Variants in RARB observed in about 807,000 individuals in gnomAD.
The protein encoded by RARB is retinoic acid receptor beta.
Under a neutral mutation model 51.9 loss-of-function variants are expected in RARB, and 17 were observed. That is an observed-to-expected ratio of 0.33 (90% CI 0.22 to 0.49). RARB has a LOEUF of 0.49. Among genes scored for constraint, RARB ranks in the 20% least tolerant of loss-of-function variants. The pLI, the probability that RARB is intolerant of heterozygous loss-of-function variation, is 0.99. For missense variants in RARB, 369 were observed against 550.8 expected, an observed-to-expected ratio of 0.67 and a Z score of 3.30; for synonymous variants, 215 against 195.4, an observed-to-expected ratio of 1.10 and a Z score of -0.84.
intron 2 of RARB, among the ~76,000 whole-genome samples, chr3:25,019,009 C>T (rs1204176293): frequency 6.6e-6 from 1 of 152,144 alleles, no homozygotes; most frequent in African/African-American, 2.4e-5. Context: ...GAAATTATAG[C>T]CTGTTTAAGC....
intron 2 of RARB, among the ~76,000 whole-genome samples, chr3:24,983,609 C>A (rs1319324737): frequency 6.6e-6 from 1 of 152,200 alleles, no homozygotes; most frequent in Non-Finnish European, 1.5e-5. Context: ...GTTCAACCCC[C>A]ACTTATGAGT....
intron 5 of RARB, among the ~76,000 whole-genome samples, chr3:25,229,662 T>A (rs1702132141): frequency 6.6e-6 from 1 of 152,044 alleles, no homozygotes; most frequent in Non-Finnish European, 1.5e-5. Flanking sequence ...CACCCTTTTT[T>A]TTTTCTTTAA....
intron 1 of RARB, among the ~76,000 whole-genome samples, chr3:24,839,586 T>C (rs1476611217): frequency 1.3e-5 from 2 of 148,858 alleles, no homozygotes; most frequent in African/African-American, 5.0e-5. Flanking sequence ...TGCACATCTG[T>C]GGTCCCAGCT....
intron 5 of RARB, among the ~76,000 whole-genome samples, chr3:25,341,428 G>C (rs542914328): frequency 6.6e-6 from 1 of 152,322 alleles, no homozygotes; most frequent in African/African-American, 2.4e-5. Flanking sequence ...GTGAGAGCCA[G>C]AGAGAATTTG....
intron 5 of RARB, among the ~76,000 whole-genome samples, chr3:25,231,070 T>A (rs1559515183): frequency 6.6e-6 from 1 of 152,166 alleles, no homozygotes; most frequent in South Asian, 2.1e-4. Flanking sequence ...AAGTTTGTTT[T>A]ATTGGCTTGG....
chr3:25,077,084 T>A (rs974408093), intron 3 of RARB, among the ~76,000 whole-genome samples: 1 of 152,236 alleles, frequency 6.6e-6, no homozygotes, highest in Non-Finnish European at 1.5e-5. Flanking sequence ...TGGGCCCAGA[T>A]AGAAATACAT....
chr3:25,440,300 T>C (rs1708608453), intron 1 of RARB, among the ~76,000 whole-genome samples: 2 of 151,626 alleles, frequency 1.3e-5, no homozygotes, highest in South Asian at 4.2e-4. Flanking sequence ...AAAAGAATTA[T>C]GTGGCCGTGG....
chr3:25,059,187 T>G (rs561840712), intron 2 of RARB, among the ~76,000 whole-genome samples: 1 of 151,990 alleles, frequency 6.6e-6, no homozygotes, highest in South Asian at 2.1e-4. Context: ...AGTATTTAAT[T>G]ACATTGTTGC....
intron 1 of RARB, chr3:24,833,201 C>T (rs1702303472): frequency 6.6e-6 from 1 of 152,286 alleles, no homozygotes; most frequent in South Asian, 2.1e-4. Flanking sequence ...ACAGAGCTGA[C>T]TCGTCCCTTT....
chr3:25,409,815 G>T (rs781337413), intron 5 of RARB, among the ~76,000 whole-genome samples: 5 of 152,064 alleles, frequency 3.3e-5, no homozygotes, highest in Non-Finnish European at 7.4e-5. Flanking sequence ...GATTCCAAAC[G>T]TACTTTAATG....
At chr3:25,408,264 A>G (rs1406694917) in intron 5 of RARB, among the ~76,000 whole-genome samples, 1 of 152,174 alleles carries the variant, frequency 6.6e-6, no homozygotes, top group African/African-American at 2.4e-5. Flanking sequence ...GAGACTGGGT[A>G]ATTTATACAG....
chr3:25,316,383 C>A (rs1325850664), intron 5 of RARB, among the ~76,000 whole-genome samples: 1 of 150,598 alleles, frequency 6.6e-6, no homozygotes. Context: ...GCAATAAGGC[C>A]AAATTATTAA....
chr3:25,114,849 C>T (rs1012717251), intron 3 of RARB, among the ~76,000 whole-genome samples: 8 of 152,086 alleles, frequency 5.3e-5, no homozygotes, highest in African/African-American at 1.9e-4. Context: ...ACTATCATTG[C>T]TCTTTATGTC....
At chr3:25,170,090 A>C (rs1700619579) in intron 4 of RARB, among the ~76,000 whole-genome samples, 1 of 152,052 alleles carries the variant, frequency 6.6e-6, no homozygotes, top group African/African-American at 2.4e-5. Context: ...GTTATTCTTT[A>C]TCAGTCTCAA....
intron 2 of RARB, among the ~76,000 whole-genome samples, chr3:24,933,197 A>G (rs2125394785): frequency 6.6e-6 from 1 of 152,246 alleles, no homozygotes; most frequent in South Asian, 2.1e-4. Flanking sequence ...ACATTCTTTC[A>G]AATAACTCTG....
intron 5 of RARB, among the ~76,000 whole-genome samples, chr3:25,336,652 A>T (rs934847077): frequency 2.0e-5 from 3 of 152,176 alleles, no homozygotes; most frequent in African/African-American, 7.2e-5. Flanking sequence ...ACTTGAAACA[A>T]ATTCTCAACA....
intron 3 of RARB, among the ~76,000 whole-genome samples, chr3:25,537,080 G>A (rs866619765): frequency 6.6e-6 from 1 of 152,170 alleles, no homozygotes; most frequent in Non-Finnish European, 1.5e-5. Context: ...GCTGAGGAGG[G>A]GCCTGCTGCA....
chr3:25,248,138 G>T (rs1178598179), intron 5 of RARB, among the ~76,000 whole-genome samples: 2 of 152,058 alleles, frequency 1.3e-5, no homozygotes, highest in African/African-American at 4.8e-5. Flanking sequence ...GACTTTTTGT[G>T]TCTCTTTGAA....
chr3:25,017,221 C>A (rs1448824891), intron 2 of RARB, among the ~76,000 whole-genome samples: 2 of 141,930 alleles, frequency 1.4e-5, no homozygotes, highest in East Asian at 2.0e-4. Context: ...TTCCCCCCCC[C>A]TTTCAGAACC....
Sources: gnomAD v4.1 joint callset for allele counts (sites outside exome capture counted in the v4.1 genomes callset) on GRCh38, gnomAD v4.1.1 for gene constraint, MANE v1.5 for transcripts, NCBI Gene and HGNC (gene_info 2026-07-23, HGNC 2026-07-21) for gene names.